The following MCF2L variants were observed in gnomAD, a reference collection of about 807,000 sequenced individuals.
MCF2L encodes guanine nucleotide exchange factor DBS.
MCF2L carries 97 observed loss-of-function variants against 153.4 expected under a neutral mutation model. That is an observed-to-expected ratio of 0.63 (90% CI 0.54 to 0.75). MCF2L has a LOEUF of 0.75. MCF2L is among the 30% of genes least tolerant of loss of function. MCF2L has a pLI of 0.00. For synonymous variants in MCF2L, 659 were observed against 632.2 expected (o/e 1.04, Z -0.64); for missense variants, 1,347 against 1,495.2 (o/e 0.90, Z 1.64).
At chr13:113,023,115 G>C (rs187754195) in intron 2 of MCF2L, among the ~76,000 whole-genome samples, 17 of 152,374 alleles carry the variant, frequency 1.1e-4, no homozygotes, top group African/African-American at 3.8e-4. Flanking sequence ...AGCTGTCCCA[G>C]GTGAAGGGGG....
At chr13:113,023,463 C>A (rs977211872) in intron 2 of MCF2L, among the ~76,000 whole-genome samples, 2 of 152,118 alleles carry the variant, frequency 1.3e-5, no homozygotes, top group Non-Finnish European at 2.9e-5. Context: ...GCAGAAGTTC[C>A]GGAAGCTGGA....
chr13:112,912,852 CTG>C (rs765680829), intron 2 of MCF2L, among the ~76,000 whole-genome samples: 2 of 148,176 alleles, frequency 1.3e-5, no homozygotes, highest in East Asian at 4.0e-4. Flanking sequence ...TGTAGTGTAT[CTG>C]TGTCTGTATG....
chr13:113,027,109 C>A lies in MCF2L; in HGVS notation c.278+2351C>A. 6 of 725,534 alleles carry A rather than the reference C, an allele frequency of 8.3e-6. No homozygotes were observed. Among genetic ancestry groups the A allele is most frequent in the Non-Finnish European group, 1.5e-5 (6 of 397,344 alleles). 44.9% of individuals were successfully genotyped at this position (725,534 alleles called of 1,614,324 possible). A position where few individuals can be genotyped will look rare whatever the true frequency, so the allele number is the denominator to read the frequency against. ...CCGCACATTACATAAGGTGGCAAAACACAGAGGAGATGTTTAACCATCAGC... is the reference window on the plus strand; with the variant it reads ...CCGCACATTACATAAGGTGGCAAAAAACAGAGGAGATGTTTAACCATCAGC... On this transcript the variant is annotated intron_variant, in intron 3 of 29. Transcript: ENST00000535094. The surrounding 1 kb of genome is among the most constrained non-coding windows in gnomAD (Gnocchi z 4.8).
intron 1 of MCF2L, chr13:113,001,709 T>G: frequency 7.4e-7 from 1 of 1,359,736 alleles, no homozygotes; most frequent in Non-Finnish European, 9.4e-7. Context: ...TGCTGCTCCT[T>G]AATCAGGGAC....
chr13:113,096,922 G>C lies in MCF2L; in HGVS notation c.*63G>C. On this transcript the variant is annotated 3_prime_UTR_variant, in exon 30 of 30. Transcript: ENST00000535094. ...GCTGCGGTGGCGTGGGGAGGGCGCG[G>C]CCCCCGGACGCCCCGAGGAAGGGGC... 8.7e-7 allele frequency: 1 copy of C among 1,154,572 alleles called. No homozygotes were observed. Among genetic ancestry groups the C allele is most frequent in the Non-Finnish European group, 1.1e-6 (1 of 896,662 alleles). The allele number at this position is 1,154,572 out of a possible 1,614,324, so 71.5% of individuals were successfully genotyped here.
intron 2 of MCF2L, among the ~76,000 whole-genome samples, chr13:112,912,835 G>A (rs1415296255): frequency 6.6e-6 from 1 of 151,896 alleles, no homozygotes; most frequent in African/African-American, 2.4e-5. Context: ...GTGCCTGTGT[G>A]TGTGTCTGTA....
rs371412440 is a variant in MCF2L at position 113,045,393 on chromosome 13, C to T, written c.369+32C>T. The T allele has an allele frequency of 8.3e-6, 13 of 1,565,276 alleles. No homozygotes were observed. The highest frequency in any genetic ancestry group is 1.4e-5 in the African/African-American group (1 of 73,956). On this transcript the variant is annotated intron_variant, in intron 4 of 29. Coordinates refer to ENST00000535094, the MANE Select transcript of MCF2L (RefSeq NM_001112732.3). This position sits in a 1 kb window ranked among gnomAD's most constrained non-coding sequence, Gnocchi z 4.2. ...GCCACCCGGGGCTCTGCCCTGCGCC[C>T]GGCCCCTCCCTGGGCTGCATGACCG...
rs756524278 is a variant in MCF2L, at chr13:113,096,540, C to T, written c.3189-10C>T. ...CGCACGTGGCTGCCGCTGACCCTCG[C>T]CCCTTGCAGGTACGTCAGGGACCCG... On this transcript the variant is annotated splice_polypyrimidine_tract_variant and intron_variant, in intron 28 of 29. Transcript: ENST00000535094. The T allele has an allele frequency of 6.3e-7, 1 of 1,599,826 alleles. No homozygotes were observed. Among genetic ancestry groups the T allele is most frequent in the Non-Finnish European group, 8.5e-7 (1 of 1,175,052 alleles).
chr13:113,016,140 G>A (rs553837252), intron 2 of MCF2L, among the ~76,000 whole-genome samples: 1 of 152,310 alleles, frequency 6.6e-6, no homozygotes, highest in East Asian at 1.9e-4. Flanking sequence ...GCCAGCCCAG[G>A]AGCTCTGGGG....
chr13:113,032,832 G>A (rs1429297514), intron 3 of MCF2L, among the ~76,000 whole-genome samples: 1 of 152,230 alleles, frequency 6.6e-6, no homozygotes, highest in Non-Finnish European at 1.5e-5. Flanking sequence ...GGCCTCCAAA[G>A]TGCTGGGATT....
chr13:113,026,857 G>T (rs1380696813), intron 3 of MCF2L: 1 of 721,368 alleles, frequency 1.4e-6, no homozygotes, highest in South Asian at 1.5e-5. Flanking sequence ...GCCCAGTTCT[G>T]TGTCTCCCCA....
Position 112,907,351 on chromosome 13 carries a change from T to C in MCF2L, c.169+4980T>C, listed in dbSNP as rs2081183066. ...AAGAAACAGATACTTGGAAGGAAAT[T>C]GGCTTTTTGGCTATCCACAGTGTTT... On this transcript the variant is annotated intron_variant, in intron 2 of 29. Transcript: ENST00000375608. This position sits in a 1 kb window ranked among gnomAD's most constrained non-coding sequence, Gnocchi z 5.1. 6.6e-6 allele frequency among the ~76,000 whole-genome samples: 1 copy of C among 152,136 alleles called. No individual in the cohort carries two copies. Among genetic ancestry groups the C allele is most frequent in the South Asian group, 2.1e-4 (1 of 4,824 alleles).
At chr13:112,931,641 A>C (rs555664817) in intron 2 of MCF2L, among the ~76,000 whole-genome samples, 28 of 152,352 alleles carry the variant, frequency 1.8e-4, no homozygotes, top group African/African-American at 6.5e-4. Flanking sequence ...GAGCGTCCCC[A>C]GTGGCCAGAT....
intron 2 of MCF2L, among the ~76,000 whole-genome samples, chr13:112,933,386 C>T (rs147009184): frequency 4.6e-5 from 7 of 152,350 alleles, no homozygotes; most frequent in African/African-American, 1.7e-4. Context: ...TGCATCTGCT[C>T]TCCCAGCCCT....
At chr13:112,976,777 G>A (rs538536315) in intron 1 of MCF2L, among the ~76,000 whole-genome samples, 1 of 152,204 alleles carries the variant, frequency 6.6e-6, no homozygotes, top group Non-Finnish European at 1.5e-5. Flanking sequence ...ACAGAGCCGT[G>A]AGGAGACACA....
chr13:112,916,041 A>C (rs1156643942), intron 2 of MCF2L, among the ~76,000 whole-genome samples: 1 of 129,136 alleles, frequency 7.7e-6, no homozygotes, highest in Non-Finnish European at 1.6e-5. Context: ...TACTAAAAAT[A>C]CAAAAAAAAA....
Position 113,066,136 on chromosome 13 carries a change from C to A in MCF2L, c.847C>A (p.Gln283Lys). Residue 283 changes from glutamine to lysine, a missense_variant, in exon 8 of 30, where the codon CAG becomes AAG. This residue lies in a region of MCF2L where 820 missense variants were observed against 921.2 expected (regional missense o/e 0.89). Coordinates refer to ENST00000535094, the MANE Select transcript of MCF2L (RefSeq NM_001112732.3). The stretch of plus-strand genomic sequence containing the variant: ...TGAGGGCTCAGAGCCCAGTGTGAAC[C>A]AGGACCAGCTTGACAACCAGGCCAC... ...QAEGSEPSVN[Q>K]DQLDNQATVQ... The A allele has an allele frequency of 6.2e-7, 1 of 1,612,996 alleles. No individual in the cohort carries two copies.
chr13:112,950,221 A>T, intron 2 of MCF2L, among the ~76,000 whole-genome samples: 1 of 152,208 alleles, frequency 6.6e-6, no homozygotes, highest in East Asian at 1.9e-4. Context: ...AAACTGCATG[A>T]TGCTGATGAG....
intron 2 of MCF2L, among the ~76,000 whole-genome samples, chr13:113,023,948 G>C (rs1312806666): frequency 1.3e-5 from 2 of 152,232 alleles, no homozygotes; most frequent in African/African-American, 4.8e-5. Context: ...GCAGTGTTCT[G>C]AGTCCCAAGC....
Sources: gnomAD v4.1 joint callset for allele counts (sites outside exome capture counted in the v4.1 genomes callset) on GRCh38, gnomAD v4.1.1 for gene constraint, gnomAD v4.1.1 regional missense constraint, Gnocchi (gnomAD v3.1) non-coding constraint, MANE v1.5 for transcripts, NCBI Gene and HGNC (gene_info 2026-07-23, HGNC 2026-07-21) for gene names.